The following IQCK variants were observed in gnomAD, a reference collection of about 807,000 sequenced individuals.
IQCK encodes the protein IQ motif containing K, also known as IQ domain-containing protein K.
IQCK carries 29 observed loss-of-function variants against 28.1 expected under a neutral mutation model. The ratio of observed to expected loss-of-function variants is 1.03; its 90% CI spans 0.77 to 1.41. The LOEUF (loss-of-function observed/expected upper bound fraction) is 1.41. Ranked by LOEUF, IQCK falls within the 40% of genes most tolerant of loss-of-function variation. The pLI is 0.00. For synonymous variants in IQCK, 113 were observed against 115.1 expected (o/e 0.98, Z 0.12); for missense variants, 359 against 314.7 (o/e 1.14, Z -1.07).
intron 4 of IQCK, chr16:19,761,378 C>T (rs1286758190): frequency 5.3e-5 from 24 of 455,664 alleles, no homozygotes; most frequent in Non-Finnish European, 8.4e-5. Context: ...CTGGAGGGTA[C>T]AGGAGCCTGG....
rs1391162151 is a variant in IQCK at position 19,767,055 on chromosome 16, C to CGCAGG, written c.605+2947_605+2951dup. Among the ~76,000 whole-genome samples, 7 of 152,288 alleles carry CGCAGG rather than the reference C, an allele frequency of 4.6e-5. No homozygotes were observed. The East Asian group carries it at 1.4e-3, about 29-fold the overall frequency. On this transcript the variant is annotated intron_variant, in intron 6 of 7. Coordinates refer to ENST00000564186, the Ensembl canonical transcript of IQCK. ...ACGGGAAAAATTACCTTGTCCCCCT[C>CGCAGG]GCAGGGCATGCAACAGGGGGATGTG...
intron 7 of IQCK, among the ~76,000 whole-genome samples, chr16:19,803,738 G>T (rs900299830): frequency 6.6e-6 from 1 of 152,106 alleles, no homozygotes; most frequent in African/African-American, 2.4e-5. Context: ...CTACGGACTT[G>T]AACTCATGAG....
chr16:19,766,343 A>G (rs1217673228), intron 6 of IQCK, among the ~76,000 whole-genome samples: 2 of 152,206 alleles, frequency 1.3e-5, no homozygotes, highest in Non-Finnish European at 2.9e-5. Context: ...TTAACAAAGC[A>G]TTAAAGGGAA....
chr16:19,837,888 T>G (rs926395763), intron 9 of IQCK, among the ~76,000 whole-genome samples: 5 of 152,216 alleles, frequency 3.3e-5, no homozygotes, highest in Admixed American at 1.3e-4. Context: ...AGCTTTGGAT[T>G]CAAAATCTTC....
chr16:19,833,783 G>T (rs1183974028), intron 9 of IQCK, among the ~76,000 whole-genome samples: 1 of 151,994 alleles, frequency 6.6e-6, no homozygotes, highest in Non-Finnish European at 1.5e-5. Flanking sequence ...TCATCTTACC[G>T]CCCCACCTGC....
chr16:19,818,879 T>G (rs2056025703), intron 7 of IQCK, among the ~76,000 whole-genome samples: 1 of 152,114 alleles, frequency 6.6e-6, no homozygotes. Context: ...AGGAACGACT[T>G]TATTTTTCTT....
intron 1 of IQCK, among the ~76,000 whole-genome samples, chr16:19,719,670 AT>A (rs1204084614): frequency 0.038 from 4,782 of 126,594 alleles, 92 homozygotes; most frequent in African/African-American, 0.12. Flanking sequence ...TTGGACTCAA[AT>A]TTTTTTTTTT....
chr16:19,732,252 G>A (rs961838151), intron 2 of IQCK, among the ~76,000 whole-genome samples: 3 of 152,176 alleles, frequency 2.0e-5, no homozygotes, highest in Admixed American at 1.3e-4. Context: ...CCTTACTCCA[G>A]TCAAGTTGAC....
chr16:19,728,236 A>G (rs1333813031), intron 1 of IQCK, among the ~76,000 whole-genome samples: 1 of 152,050 alleles, frequency 6.6e-6, no homozygotes, highest in Non-Finnish European at 1.5e-5. Flanking sequence ...GACCTCAACC[A>G]CAAGAAACTA....
At chr16:19,786,848 G>A (rs1436465058) in intron 6 of IQCK, among the ~76,000 whole-genome samples, 2 of 76,368 alleles carry the variant, frequency 2.6e-5, no homozygotes. Flanking sequence ...ATGGAGGGAA[G>A]GAAGGAAGGA....
intron 2 of IQCK, among the ~76,000 whole-genome samples, chr16:19,731,800 G>A (rs973303583): frequency 1.3e-5 from 2 of 152,182 alleles, no homozygotes; most frequent in Admixed American, 6.5e-5. Context: ...TAGGCTGTTT[G>A]CAAGCTGGAG....
rs190363293 is a variant in IQCK at position 19,839,394 on chromosome 16, C to T, written c.802+12257C>T. Among the ~76,000 whole-genome samples, 4 of 152,142 alleles carry T rather than the reference C, an allele frequency of 2.6e-5. No homozygotes were observed. In the East Asian group the frequency reaches 7.8e-4, roughly 30 times the overall value. On this transcript the variant is annotated intron_variant, in intron 9 of 9. Coordinates refer to the IQCK transcript ENST00000320394. ...CAGGCTGGTCTCGAACTCCTGACCA[C>T]AAGTGATCCACCCTCCTCGGCTTCC...
intron 4 of IQCK, among the ~76,000 whole-genome samples, chr16:19,750,723 A>G (rs2054975513): frequency 1.3e-5 from 2 of 152,160 alleles, no homozygotes; most frequent in Admixed American, 1.3e-4. Context: ...TGGCCTCCCA[A>G]AGTGCCGGGA....
intron 9 of IQCK, among the ~76,000 whole-genome samples, chr16:19,833,333 A>G (rs1363113841): frequency 6.6e-6 from 1 of 152,202 alleles, no homozygotes; most frequent in Non-Finnish European, 1.5e-5. Context: ...AAAAAGACAA[A>G]GGGCCATTTG....
intron 1 of IQCK, among the ~76,000 whole-genome samples, chr16:19,727,817 A>G (rs1028282166): frequency 4.6e-5 from 7 of 152,294 alleles, no homozygotes; most frequent in Admixed American, 2.6e-4. Context: ...TTCCCAAGGC[A>G]GCTGGGGAAG....
intron 1 of IQCK, among the ~76,000 whole-genome samples, chr16:19,726,885 G>T (rs1977672553): frequency 6.6e-6 from 1 of 152,090 alleles, no homozygotes; most frequent in Non-Finnish European, 1.5e-5. Flanking sequence ...TGTAATTCCA[G>T]CACTTTGGGA....
At position 19,754,394 on chromosome 16, in the gene IQCK, T is replaced by C. The variant is rs1038559838; in HGVS notation, c.475-9454T>C. On this transcript the variant is annotated intron_variant, in intron 4 of 7. Transcript: ENST00000564186. ...TTTTATGTCAGCTTTAAATATGGAT[T>C]AAATGTGGACTCTGGGTAGAGGCCA... Among the ~76,000 whole-genome samples, 6 of 152,300 alleles carry C rather than the reference T, an allele frequency of 3.9e-5. No individual in the cohort carries two copies. The East Asian group carries it at 1.2e-3, about 29-fold the overall frequency.
At chr16:19,786,568 G>A (rs996727722) in intron 6 of IQCK, among the ~76,000 whole-genome samples, 4 of 131,720 alleles carry the variant, frequency 3.0e-5, no homozygotes, top group East Asian at 4.1e-4. Flanking sequence ...GCATTGTGGC[G>A]TGCTCCTGTA....
chr16:19,735,448 G>T lies in IQCK; in HGVS notation c.472G>T (p.Glu158Ter). The change falls in exon 4 of 8, where the codon GAG becomes TAG. Residue 158 changes from glutamate (E) to a stop codon, truncating the protein, a stop_gained and splice_region_variant. Coordinates refer to ENST00000564186, the Ensembl canonical transcript of IQCK. LOFTEE classifies it high-confidence loss of function. The stretch of plus-strand genomic sequence containing the variant: ...CCAAGCGAAGAAAGAAAAATGTTTT[G>T]AGGTCAGTTGTTTGGCAGGATTTCT... 2 of 1,603,864 alleles carry T rather than the reference G, an allele frequency of 1.2e-6. No homozygotes were observed. Among genetic ancestry groups the T allele is most frequent in the Non-Finnish European group, 1.7e-6 (2 of 1,170,600 alleles).
Sources: gnomAD v4.1 joint callset for allele counts (sites outside exome capture counted in the v4.1 genomes callset) on GRCh38, gnomAD v4.1.1 for gene constraint, MANE v1.5 for transcripts, NCBI Gene and HGNC (gene_info 2026-07-23, HGNC 2026-07-21) for gene names.